PRKCB: variants seen among roughly 807,000 people sequenced by gnomAD.
The protein encoded by PRKCB is protein kinase C beta, also known as protein kinase C beta type.
A neutral mutation model predicts 81.5 loss-of-function variants in PRKCB; 13 were observed. That is an observed-to-expected ratio of 0.16 (90% confidence interval 0.10 to 0.25). PRKCB has a LOEUF of 0.25. PRKCB is among the 10% of genes least tolerant of loss of function. The pLI is 1.00. For missense variants in PRKCB, 509 were observed against 875.7 expected, an observed-to-expected ratio of 0.58 and a Z score of 5.29; for synonymous variants, 335 against 321.4, an observed-to-expected ratio of 1.04 and a Z score of -0.45.
chr16:24,070,374 C>A (rs148460472), intron 5 of PRKCB, among the ~76,000 whole-genome samples: 2,356 of 152,224 alleles, frequency 0.015, 56 homozygotes, highest in African/African-American at 0.054. Context: ...GTCTCAAACT[C>A]CTGACCTCAA....
intron 2 of PRKCB, among the ~76,000 whole-genome samples, chr16:23,910,770 A>G (rs2141732550): frequency 6.6e-6 from 1 of 152,268 alleles, no homozygotes; most frequent in East Asian, 1.9e-4. Flanking sequence ...TAATTCCAGA[A>G]CATTCTCATC....
At chr16:24,127,160 C>T (rs1392105129) in intron 9 of PRKCB, among the ~76,000 whole-genome samples, 1 of 151,950 alleles carries the variant, frequency 6.6e-6, no homozygotes, top group Non-Finnish European at 1.5e-5. Flanking sequence ...GCACGCGCCA[C>T]CACGCCCAGC....
At chr16:24,009,882 G>A (rs1314183978) in intron 3 of PRKCB, among the ~76,000 whole-genome samples, 2 of 151,936 alleles carry the variant, frequency 1.3e-5, no homozygotes, top group Non-Finnish European at 2.9e-5. Flanking sequence ...TGGCATGATG[G>A]TTTTTGTATC....
At chr16:23,872,092 C>T (rs890933441) in intron 2 of PRKCB, among the ~76,000 whole-genome samples, 1 of 152,158 alleles carries the variant, frequency 6.6e-6, no homozygotes, top group African/African-American at 2.4e-5. Context: ...CACGGCTCTT[C>T]TTGTGACTGC....
chr16:24,022,410 C>T (rs1433729558), intron 3 of PRKCB, among the ~76,000 whole-genome samples: 1 of 152,154 alleles, frequency 6.6e-6, no homozygotes, highest in Non-Finnish European at 1.5e-5. Flanking sequence ...CACTGCTCAG[C>T]CCACAGAAAT....
chr16:24,030,941 G>A (rs140329314), intron 3 of PRKCB, among the ~76,000 whole-genome samples: 6 of 149,772 alleles, frequency 4.0e-5, no homozygotes, highest in South Asian at 4.2e-4. Context: ...GCATGCACCT[G>A]TAGTCCCAGC....
intron 2 of PRKCB, among the ~76,000 whole-genome samples, chr16:23,975,125 A>G (rs1184755644): frequency 1.3e-5 from 2 of 152,222 alleles, no homozygotes; most frequent in Non-Finnish European, 2.9e-5. Context: ...TGTAGTCTCC[A>G]TGGTCCTGTG....
chr16:24,112,424 G>A (rs1293509770), intron 7 of PRKCB, among the ~76,000 whole-genome samples: 1 of 152,076 alleles, frequency 6.6e-6, no homozygotes, highest in Non-Finnish European at 1.5e-5. Context: ...ATAGTCCCCA[G>A]CTACTCAGGA....
At chr16:23,984,621 C>T (rs954472799) in intron 2 of PRKCB, among the ~76,000 whole-genome samples, 18 of 151,922 alleles carry the variant, frequency 1.2e-4, no homozygotes, top group East Asian at 3.9e-4. Context: ...AAAAAAATAA[C>T]GAGAGACTAC....
chr16:24,113,531 T>C (rs1966703934), intron 8 of PRKCB, among the ~76,000 whole-genome samples: 1 of 139,810 alleles, frequency 7.2e-6, no homozygotes, highest in Admixed American at 7.3e-5. Flanking sequence ...CCTCCCTCCC[T>C]CCCCCCTTTC....
intron 3 of PRKCB, among the ~76,000 whole-genome samples, chr16:23,998,591 C>A (rs1442438334): frequency 6.6e-6 from 1 of 152,134 alleles, no homozygotes; most frequent in Non-Finnish European, 1.5e-5. Flanking sequence ...CCTTAGATTC[C>A]TCAGCTAAAA....
intron 7 of PRKCB, among the ~76,000 whole-genome samples, chr16:24,108,199 GTTTTA>G (rs1401736140): frequency 6.7e-6 from 1 of 148,882 alleles, no homozygotes; most frequent in African/African-American, 2.5e-5. Flanking sequence ...CATTAATTAG[GTTTTA>G]TTTTCACTTT....
chr16:24,027,721 G>A (rs751013261), intron 3 of PRKCB, among the ~76,000 whole-genome samples: 5 of 152,212 alleles, frequency 3.3e-5, no homozygotes, highest in Non-Finnish European at 7.4e-5. Flanking sequence ...AGTGGCTGAG[G>A]ATTTTCAGTC....
chr16:23,922,667 T>C (rs1963842835), intron 2 of PRKCB, among the ~76,000 whole-genome samples: 1 of 152,226 alleles, frequency 6.6e-6, no homozygotes, highest in South Asian at 2.1e-4. Context: ...TTACATTTTC[T>C]CTAAATGACA....
chr16:23,857,657 G>A (rs79031623), intron 2 of PRKCB, among the ~76,000 whole-genome samples: 1,555 of 152,170 alleles, frequency 0.01, 21 homozygotes, highest in Non-Finnish European at 0.015. Context: ...TCAAGTCCAA[G>A]AAAAAAATGA....
At chr16:23,888,248 A>T (rs1963235777) in intron 2 of PRKCB, among the ~76,000 whole-genome samples, 1 of 152,122 alleles carries the variant, frequency 6.6e-6, no homozygotes. Flanking sequence ...ATACCAAGTG[A>T]CTTTTGAGGT....
intron 2 of PRKCB, among the ~76,000 whole-genome samples, chr16:23,849,002 T>G (rs550953835): frequency 6.6e-6 from 1 of 152,336 alleles, no homozygotes; most frequent in South Asian, 2.1e-4. Flanking sequence ...TCGTGGTCAA[T>G]AGCATTAGCT....
intron 2 of PRKCB, among the ~76,000 whole-genome samples, chr16:23,847,551 A>ACCATCCATCCAT (rs1055062679): frequency 1.9e-4 from 13 of 68,306 alleles, no homozygotes; most frequent in African/African-American, 7.2e-4. Context: ...CATCCATCCA[A>ACCATCCATCCAT]CCATCCATCC....
chr16:23,950,890 T>C (rs1158146053), intron 2 of PRKCB, among the ~76,000 whole-genome samples: 2 of 152,220 alleles, frequency 1.3e-5, no homozygotes, highest in Admixed American at 1.3e-4. Flanking sequence ...AGGAGTGGAA[T>C]GCCTGAGCAT....
Sources: gnomAD v4.1 joint callset for allele counts (sites outside exome capture counted in the v4.1 genomes callset) on GRCh38, gnomAD v4.1.1 for gene constraint, MANE v1.5 for transcripts, NCBI Gene and HGNC (gene_info 2026-07-23, HGNC 2026-07-21) for gene names.